Variants in COL4A4 observed in about 807,000 individuals in gnomAD.
The protein encoded by COL4A4 is collagen type IV alpha 4 chain, also known as collagen alpha-4(IV) chain.
COL4A4 carries 105 observed loss-of-function variants against 192.9 expected under a neutral mutation model. That is an observed-to-expected ratio of 0.54 (90% confidence interval 0.46 to 0.64). The LOEUF (loss-of-function observed/expected upper bound fraction) is 0.64. Among genes scored for constraint, COL4A4 ranks in the 30% least tolerant of loss-of-function variants. The pLI, the probability that COL4A4 is intolerant of heterozygous loss-of-function variation, is 0.00. For missense variants in COL4A4, 1,967 were observed against 2,169.3 expected (o/e 0.91, Z 1.85); for synonymous variants, 762 against 769.9 (o/e 0.99, Z 0.17).
intron 4 of COL4A4, among the ~76,000 whole-genome samples, chr2:227,139,935 G>A (rs1576810608): frequency 6.6e-6 from 1 of 152,150 alleles, no homozygotes; most frequent in East Asian, 1.9e-4. Flanking sequence ...CAAGACTAGT[G>A]TCATATAAAA....
At chr2:226,989,485 C>G in the COL4A4 span, among the ~76,000 whole-genome samples, 12 of 152,192 alleles carry the variant, frequency 7.9e-5, no homozygotes, top group East Asian at 1.9e-3. Flanking sequence ...ATTGGTCTCA[C>G]ATGTCCAGTT....
intron 4 of COL4A4, among the ~76,000 whole-genome samples, chr2:227,128,382 A>C (rs546871808): frequency 7.2e-5 from 11 of 152,320 alleles, no homozygotes; most frequent in African/African-American, 2.6e-4. Flanking sequence ...TTATTAATTG[A>C]ATTAATTGAA....
rs148591552 is a variant in COL4A4, at chr2:227,090,573, A to C, written c.1370-616T>G. 9.4e-3 allele frequency among the ~76,000 whole-genome samples: 1,407 copies of C among 149,926 alleles called. 21 individuals are homozygous for C. The highest frequency in any genetic ancestry group is 0.032 in the African/African-American group (1,308 of 40,782). On this transcript the variant is annotated intron_variant, in intron 20 of 47. Transcript: ENST00000396625. ...AGACCAGCCTGGCCAACATGGTAAA[A>C]CCCCCCCCATCTCTGCAAAATCACA...
At chr2:227,016,815 G>A (rs772757697) in intron 44 of COL4A4, among the ~76,000 whole-genome samples, 21 of 152,132 alleles carry the variant, frequency 1.4e-4, no homozygotes, top group Non-Finnish European at 2.5e-4. Context: ...GATTAGAAAC[G>A]AATTATTTCA....
chr2:227,139,369 G>A (rs1251493832), intron 4 of COL4A4, among the ~76,000 whole-genome samples: 1 of 152,232 alleles, frequency 6.6e-6, no homozygotes, highest in East Asian at 1.9e-4. Flanking sequence ...CCTTTCTTGT[G>A]AGATTGTGGG....
At chr2:227,148,449 A>G (rs1235325860) in intron 1 of COL4A4, among the ~76,000 whole-genome samples, 1 of 152,226 alleles carries the variant, frequency 6.6e-6, no homozygotes, top group Admixed American at 6.5e-5. Context: ...AAATCCATAC[A>G]GATAGATAGG....
At chr2:227,160,704 ACT>A (rs1464607460) in intron 1 of COL4A4, among the ~76,000 whole-genome samples, 1 of 152,204 alleles carries the variant, frequency 6.6e-6, no homozygotes, top group Non-Finnish European at 1.5e-5. Flanking sequence ...TTAATTGGTA[ACT>A]CTGATAATTA....
chr2:227,031,425 C>G (rs973038675), intron 40 of COL4A4, among the ~76,000 whole-genome samples: 1 of 152,190 alleles, frequency 6.6e-6, no homozygotes, highest in Non-Finnish European at 1.5e-5. Context: ...CCTACTTGGT[C>G]AGCTTAGTAA....
intron 29 of COL4A4, among the ~76,000 whole-genome samples, chr2:227,056,683 A>G (rs528909849): frequency 6.6e-6 from 1 of 152,380 alleles, no homozygotes; most frequent in East Asian, 1.9e-4. Flanking sequence ...GTCCCTCCAA[A>G]ATTCATATGT....
rs200860702 is a variant in COL4A4 at position 227,027,988 on chromosome 2, G to A, written c.3995C>T (p.Pro1332Leu). The A allele has an allele frequency of 2.3e-5, 37 of 1,612,588 alleles. No individual in the cohort carries two copies. Among genetic ancestry groups the A allele is most frequent in the Admixed American group, 2.2e-4 (13 of 59,864 alleles). Residue 1332 changes from proline (P) to leucine (L), a missense_variant, in exon 42 of 48, where the codon CCG becomes CTG. Pro to Leu is a moderately conservative substitution (Grantham distance 98, BLOSUM62 -3). Coordinates refer to ENST00000396625, the MANE Select transcript of COL4A4 (RefSeq NM_000092.5). ...GQKGPVGFPGPQGPHGFPGPP... is the reference protein window; with the variant it reads ...GQKGPVGFPGLQGPHGFPGPP... ...CCCAGGAAATCCATGTGGTCCCTGC[G>A]GTCCCGGGAATCCCACTGGTCCTTA...
At chr2:227,151,903 CTG>C (rs1326804135) in intron 1 of COL4A4, among the ~76,000 whole-genome samples, 2 of 152,230 alleles carry the variant, frequency 1.3e-5, no homozygotes, top group Admixed American at 1.3e-4. Context: ...GCCTCCAGCA[CTG>C]TGAGCAATAA....
At chr2:227,052,502 T>C (rs1173860015) in intron 31 of COL4A4, 90 bp from the exon 32 acceptor site, 16 of 793,556 alleles carry the variant, frequency 2.0e-5, no homozygotes, top group Admixed American at 5.6e-5. Flanking sequence ...AAATCGCAAA[T>C]TCCCACTTAA....
At chr2:226,994,214 A>T in the COL4A4 span, among the ~76,000 whole-genome samples, 1 of 152,214 alleles carries the variant, frequency 6.6e-6, no homozygotes, top group African/African-American at 2.4e-5. Flanking sequence ...TCAAGTCCAT[A>T]TATTTATTGA....
intron 25 of COL4A4, among the ~76,000 whole-genome samples, chr2:227,076,944 A>G (rs1360647025): frequency 1.3e-5 from 2 of 152,214 alleles, no homozygotes; most frequent in Non-Finnish European, 2.9e-5. Context: ...ATGAGATACC[A>G]TCTCACGGCA....
chr2:227,069,477 G>A (rs1330768430), intron 25 of COL4A4, among the ~76,000 whole-genome samples: 1 of 151,902 alleles, frequency 6.6e-6, no homozygotes, highest in Non-Finnish European at 1.5e-5. Flanking sequence ...TATACTACAA[G>A]GCTACAGTAA....
At position 227,147,429 on chromosome 2, in the gene COL4A4, A is replaced by G; in HGVS notation, c.55T>C (p.Leu19=). 1 of 1,613,788 alleles carries G rather than the reference A, an allele frequency of 6.2e-7. No homozygotes were observed. The highest frequency in any genetic ancestry group is 8.5e-7 in the Non-Finnish European group (1 of 1,179,766). The change falls in exon 2 of 48, where the codon TTG becomes CTG. Residue 19 remains leucine, a synonymous_variant. Transcript: ENST00000396625. ...MRCSFRLTKS[L]ATGPWSLILI... is the part of the protein sequence containing the mutation. The stretch of plus-strand genomic sequence containing the variant: ...GATACTCACCAGGGACCTGTGGCCA[A>G]GGACTTGGTCAATCTGAAGGAGCAC...
chr2:226,991,941 T>C, the COL4A4 span, among the ~76,000 whole-genome samples: 1 of 152,200 alleles, frequency 6.6e-6, no homozygotes, highest in Admixed American at 6.5e-5. Context: ...TATCTCCTAA[T>C]TCCCTACTAA....
rs1244047460 is a variant in COL4A4, at chr2:227,118,844, T to C, written c.373-83A>G. The C allele has an allele frequency of 2.2e-4, 190 of 874,984 alleles. 1 individual carries two copies. The highest frequency in any genetic ancestry group is 1.6e-3 in the Middle Eastern group (5 of 3,212). 54.2% of individuals were successfully genotyped at this position (874,984 alleles called of 1,614,324 possible). On this transcript the variant is annotated intron_variant, in intron 6 of 47. Transcript: ENST00000396625. ...TTATGCAATATGAATACTCAAATTA[T>C]GGCAATTGTGATTCACACATTTACT...
At chr2:226,968,335 G>C in the COL4A4 span, among the ~76,000 whole-genome samples, 1 of 152,198 alleles carries the variant, frequency 6.6e-6, no homozygotes, top group African/African-American at 2.4e-5. Flanking sequence ...TCCAAAATCT[G>C]TAGGGCAGGC....
Sources: allele counts gnomAD v4.1 joint callset (sites outside exome capture counted in the v4.1 genomes callset), GRCh38; gene constraint gnomAD v4.1.1; transcripts MANE v1.5; gene names NCBI Gene and HGNC (gene_info 2026-07-23, HGNC 2026-07-21).